KIRREL3: variants seen among roughly 807,000 people sequenced by gnomAD.
KIRREL3 encodes the protein kin of IRRE-like protein 3.
A neutral mutation model predicts 89.7 loss-of-function variants in KIRREL3; 36 were observed. That is an observed-to-expected ratio of 0.40 (90% CI 0.31 to 0.53). The LOEUF is 0.53. Among genes scored for constraint, KIRREL3 ranks in the 20% least tolerant of loss-of-function variants. The pLI is 0.49. For missense variants in KIRREL3, 864 were observed against 1,056.6 expected (o/e 0.82, Z 2.53); for synonymous variants, 445 against 441.4 (o/e 1.01, Z -0.10).
rs1475692512 is a variant in KIRREL3 at position 126,459,609 on chromosome 11, TG to T, written c.743-3156del. ...AACATGATTTTAATCTCACTTGTGA[TG>T]TCGGCAGCATAACTTGCAGGAGGGC... On this transcript the variant is annotated intron_variant, in intron 6 of 16. Transcript: ENST00000525144. This position sits in a 1 kb window ranked among gnomAD's most constrained non-coding sequence, Gnocchi z 4.8. Among the ~76,000 whole-genome samples the T allele has an allele frequency of 1.3e-5, 2 of 152,248 alleles. No homozygotes were observed. Among genetic ancestry groups the T allele is most frequent in the African/African-American group, 4.8e-5 (2 of 41,456 alleles).
chr11:126,580,135 A>G (rs1233459963), intron 1 of KIRREL3, among the ~76,000 whole-genome samples: 30 of 152,140 alleles, frequency 2.0e-4, no homozygotes, highest in Admixed American at 1.8e-3. Context: ...GTGAGCCACC[A>G]CACCTGGCCC....
intron 1 of KIRREL3, among the ~76,000 whole-genome samples, chr11:126,887,195 C>A (rs1311764632): frequency 5.3e-5 from 8 of 152,178 alleles, no homozygotes; most frequent in Admixed American, 1.3e-4. Flanking sequence ...ATTGAGGTAT[C>A]ATGTCATCTG....
At chr11:126,893,881 A>T (rs1946028614) in intron 1 of KIRREL3, among the ~76,000 whole-genome samples, 1 of 152,210 alleles carries the variant, frequency 6.6e-6, no homozygotes, top group South Asian at 2.1e-4. Context: ...GTAAGTTCTC[A>T]GGAGGCAGAT....
chr11:126,495,229 C>T lies in KIRREL3; in HGVS notation c.434-21763G>A, dbSNP rs1184844595. Among the ~76,000 whole-genome samples the T allele has an allele frequency of 6.6e-6, 1 of 152,158 alleles. No homozygotes were observed. Among genetic ancestry groups the T allele is most frequent in the Non-Finnish European group, 1.5e-5 (1 of 68,030 alleles). On this transcript the variant is annotated intron_variant, in intron 4 of 16. Coordinates refer to ENST00000525144, the MANE Select transcript of KIRREL3 (RefSeq NM_032531.4). The surrounding 1 kb of genome is among the most constrained non-coding windows in gnomAD (Gnocchi z 6.5). ...GGCCTGCAAACTGGCTCTTCCTTGCCTTTCAGGAACTCCCAGTGGCTTTCC... is the reference window on the plus strand; with the variant it reads ...GGCCTGCAAACTGGCTCTTCCTTGCTTTTCAGGAACTCCCAGTGGCTTTCC...
At chr11:126,884,489 C>A (rs564293108) in intron 1 of KIRREL3, among the ~76,000 whole-genome samples, 1 of 152,156 alleles carries the variant, frequency 6.6e-6, no homozygotes, top group East Asian at 1.9e-4. Flanking sequence ...AAAGCGTGAC[C>A]GCCAGGATGA....
At position 126,965,180 on chromosome 11, in the gene KIRREL3, G is replaced by C. The variant is rs770392140; in HGVS notation, c.55+35275C>G. Among the ~76,000 whole-genome samples the C allele has an allele frequency of 6.6e-6, 1 of 152,210 alleles. No individual in the cohort carries two copies. The highest frequency in any genetic ancestry group is 2.4e-5 in the African/African-American group (1 of 41,464). On this transcript the variant is annotated intron_variant, in intron 1 of 16. Coordinates refer to ENST00000525144, the MANE Select transcript of KIRREL3 (RefSeq NM_032531.4). The surrounding 1 kb of genome is among the most constrained non-coding windows in gnomAD (Gnocchi z 4.4). ...CTCTGGGGATGAGCAAAGGTCTACA[G>C]AACAGTGTCTTAATTAACATTCCTG...
chr11:126,494,523 T>C (rs539674856), intron 4 of KIRREL3, among the ~76,000 whole-genome samples: 18 of 152,380 alleles, frequency 1.2e-4, no homozygotes, highest in South Asian at 6.2e-4. Flanking sequence ...TTGCTTATCA[T>C]GGATTTTTTC....
chr11:126,845,973 T>C (rs2134543119), intron 1 of KIRREL3, among the ~76,000 whole-genome samples: 1 of 152,224 alleles, frequency 6.6e-6, no homozygotes, highest in African/African-American at 2.4e-5. Context: ...ACAAAAAACC[T>C]CTGTTTTCCT....
intron 1 of KIRREL3, among the ~76,000 whole-genome samples, chr11:126,861,957 G>A (rs191474283): frequency 2.0e-5 from 3 of 152,312 alleles, no homozygotes; most frequent in East Asian, 3.9e-4. Context: ...GACCAGTTGA[G>A]TGCACATGAG....
At chr11:126,756,254 A>G (rs1197095846) in intron 1 of KIRREL3, among the ~76,000 whole-genome samples, 1 of 152,240 alleles carries the variant, frequency 6.6e-6, no homozygotes, top group Non-Finnish European at 1.5e-5. Context: ...CTCCACCCCC[A>G]ACACTGCCGT....
rs1304839104 is a variant in KIRREL3 at position 126,614,204 on chromosome 11, C to T, written c.56-51292G>A. Among the ~76,000 whole-genome samples, 4 of 151,948 alleles carry T rather than the reference C, an allele frequency of 2.6e-5. No individual in the cohort carries two copies. Among genetic ancestry groups the T allele is most frequent in the East Asian group, 1.9e-4 (1 of 5,192 alleles). On this transcript the variant is annotated intron_variant, in intron 1 of 16. Transcript: ENST00000525144. This position sits in a 1 kb window ranked among gnomAD's most constrained non-coding sequence, Gnocchi z 4.6. ...GGGTTGGAAAAGTTCGATCTATTGTCGATTTCTCTATGGTATCAATGGCAT... is the reference window on the plus strand; with the variant it reads ...GGGTTGGAAAAGTTCGATCTATTGTTGATTTCTCTATGGTATCAATGGCAT...
intron 1 of KIRREL3, among the ~76,000 whole-genome samples, chr11:126,862,832 T>C (rs1944747130): frequency 1.3e-5 from 2 of 152,194 alleles, no homozygotes; most frequent in African/African-American, 4.8e-5. Context: ...CATTTGACAG[T>C]GTAGACACTC....
intron 7 of KIRREL3, among the ~76,000 whole-genome samples, chr11:126,451,487 C>T (rs1956157918): frequency 7.6e-6 from 1 of 131,076 alleles, no homozygotes; most frequent in African/African-American, 3.0e-5. Context: ...TGTGTGTGCG[C>T]ATGTGTGTGC....
intron 1 of KIRREL3, among the ~76,000 whole-genome samples, chr11:126,662,863 T>A (rs1037845577): frequency 4.0e-5 from 6 of 151,442 alleles, no homozygotes. Flanking sequence ...TTCTCAACAT[T>A]AACTTTCTAG....
Position 126,491,890 on chromosome 11 carries a change from T to A in KIRREL3, c.434-18424A>T, listed in dbSNP as rs572798953. ...CTAATTTTTGTATTTTTAGTAGAGA[T>A]GGGGTTTCACCATGTTGGCCAGGCT... On this transcript the variant is annotated intron_variant, in intron 4 of 16. Transcript: ENST00000525144. The surrounding 1 kb of genome is among the most constrained non-coding windows in gnomAD (Gnocchi z 5.5). Among the ~76,000 whole-genome samples, 2 of 152,026 alleles carry A rather than the reference T, an allele frequency of 1.3e-5. No homozygotes were observed. The highest frequency in any genetic ancestry group is 4.8e-5 in the African/African-American group (2 of 41,472).
rs1325937176 is a variant in KIRREL3, at chr11:126,622,301, T to TG, written c.56-59390dup. ...GGTGCCTTCTAAATGTTAAAAATGGTGACACATTTTATCTCAAGTTGAACT... is the reference window on the plus strand; with the variant it reads ...GGTGCCTTCTAAATGTTAAAAATGGTGGACACATTTTATCTCAAGTTGAACT... On this transcript the variant is annotated intron_variant, in intron 1 of 16. Coordinates refer to ENST00000525144, the MANE Select transcript of KIRREL3 (RefSeq NM_032531.4). This position sits in a 1 kb window ranked among gnomAD's most constrained non-coding sequence, Gnocchi z 5.2. Among the ~76,000 whole-genome samples, 3 of 152,248 alleles carry TG rather than the reference T, an allele frequency of 2.0e-5. No homozygotes were observed. Among genetic ancestry groups the TG allele is most frequent in the Non-Finnish European group, 4.4e-5 (3 of 68,042 alleles).
rs573630172 is a variant in KIRREL3, at chr11:126,467,317, G to A, written c.592-4010C>T. ...CTAGTTCCCCAGCACCGGCCTGGGA[G>A]GCCGGTCTTCCCAGGTATGGTTGTA... On this transcript the variant is annotated intron_variant, in intron 5 of 16. Coordinates refer to ENST00000525144, the MANE Select transcript of KIRREL3 (RefSeq NM_032531.4). Among the ~76,000 whole-genome samples, 3 of 152,348 alleles carry A rather than the reference G, an allele frequency of 2.0e-5. No homozygotes were observed. In the South Asian group the frequency reaches 6.2e-4, roughly 32 times the overall value.
rs937518036 is a variant in KIRREL3 at position 126,955,186 on chromosome 11, A to T, written c.55+45269T>A. Among the ~76,000 whole-genome samples the T allele has an allele frequency of 4.6e-5, 7 of 152,194 alleles. No homozygotes were observed. Among genetic ancestry groups the T allele is most frequent in the Non-Finnish European group, 8.8e-5 (6 of 68,020 alleles). ...GCATGAATTAGGGGAAGGGGCCAAC[A>T]GGGTAACGTGGTAATGAAGGAGATG... On this transcript the variant is annotated intron_variant, in intron 1 of 16. Coordinates refer to ENST00000525144, the MANE Select transcript of KIRREL3 (RefSeq NM_032531.4). This position sits in a 1 kb window ranked among gnomAD's most constrained non-coding sequence, Gnocchi z 4.6.
rs1361483071 is a variant in KIRREL3 at position 126,995,196 on chromosome 11, G to C, written c.55+5259C>G. ...GAACTGTTAGCCCCCCAGAGCAGCTGCTCCCACCGACCCTGCTCCAAGAGT... is the reference window on the plus strand; with the variant it reads ...GAACTGTTAGCCCCCCAGAGCAGCTCCTCCCACCGACCCTGCTCCAAGAGT... On this transcript the variant is annotated intron_variant, in intron 1 of 16. Transcript: ENST00000525144. The surrounding 1 kb of genome is among the most constrained non-coding windows in gnomAD (Gnocchi z 6.5). The C allele has an allele frequency of 4.4e-6, 2 of 456,268 alleles. No homozygotes were observed. The highest frequency in any genetic ancestry group is 4.4e-6 in the Non-Finnish European group (1 of 226,966). 28.3% of individuals were successfully genotyped at this position (456,268 alleles called of 1,614,324 possible). A position where few individuals can be genotyped will look rare whatever the true frequency, so the allele number is the denominator to read the frequency against.
Sources: gnomAD v4.1 joint callset for allele counts (sites outside exome capture counted in the v4.1 genomes callset) on GRCh38, gnomAD v4.1.1 for gene constraint, Gnocchi (gnomAD v3.1) non-coding constraint, MANE v1.5 for transcripts, NCBI Gene and HGNC (gene_info 2026-07-23, HGNC 2026-07-21) for gene names.